The following SACS variants were observed in gnomAD, a reference collection of about 807,000 sequenced individuals.
SACS encodes the protein sacsin molecular chaperone.
A neutral mutation model predicts 348.0 loss-of-function variants in SACS; 197 were observed. The ratio of observed to expected loss-of-function variants is 0.57; its 90% CI spans 0.50 to 0.64. The LOEUF is 0.64. Among genes scored for constraint, SACS ranks in the 30% least tolerant of loss-of-function variants. The probability of loss-of-function intolerance (pLI) is 0.00; values close to 1 mark genes in which losing one functional copy is unlikely to be tolerated. For synonymous variants in SACS, 1,985 were observed against 1,910.6 expected (o/e 1.04, Z -1.02); for missense variants, 4,999 against 5,360.8 (o/e 0.93, Z 2.11).
In SACS at chr13:23,375,267, C is replaced by T. The variant is rs1871684539; in HGVS notation, c.23G>A (p.Trp8Ter). The change falls in exon 3 of 10, where the codon TGG becomes TAG. Residue 8 changes from tryptophan (W) to a stop codon, truncating the protein, a stop_gained and splice_region_variant. Transcript: ENST00000382292. LOFTEE classifies it high-confidence loss of function. Reference sequence around the variant, plus strand: ...GCCGGGGAGCACGGTCACCGGGACCCACCTGTGGAAAGCAGAGGGACGCTC... The same window carrying T: ...GCCGGGGAGCACGGTCACCGGGACCTACCTGTGGAAAGCAGAGGGACGCTC... METKENR[W>*]VPVTVLPGCV... 1 of 1,467,670 alleles carries T rather than the reference C, an allele frequency of 6.8e-7. No individual in the cohort carries two copies. Among genetic ancestry groups the T allele is most frequent in the Non-Finnish European group, 9.0e-7 (1 of 1,105,398 alleles). The allele number at this position is 1,467,670 out of a possible 1,614,324, so 90.9% of individuals were successfully genotyped here.
At chr13:23,357,041 G>A (rs1313019479) in intron 7 of SACS, among the ~76,000 whole-genome samples, 1 of 152,186 alleles carries the variant, frequency 6.6e-6, no homozygotes, top group Non-Finnish European at 1.5e-5. Context: ...ATAAAAGCAT[G>A]ACCTATGACC....
intron 2 of SACS, among the ~76,000 whole-genome samples, chr13:23,393,628 T>A (rs1042077458): frequency 6.6e-6 from 1 of 152,212 alleles, no homozygotes; most frequent in Non-Finnish European, 1.5e-5. Flanking sequence ...AAACCTATAT[T>A]TCTTCTTTGT....
chr13:23,330,033 GCTTAA>G lies in SACS; in HGVS notation c.*98_*102del. On this transcript the variant is annotated 3_prime_UTR_variant, in exon 10 of 10. Transcript: ENST00000382292. ...ATTCTCCAAGAACAATCTGCAATGT[GCTTAA>G]CAATTCCTAGCTAATTGGCAATGAA... 1 of 1,041,620 alleles carries G rather than the reference GCTTAA, an allele frequency of 9.6e-7. No individual in the cohort carries two copies. The highest frequency in any genetic ancestry group is 1.4e-5 in the South Asian group (1 of 72,860). 64.5% of individuals were successfully genotyped at this position (1,041,620 alleles called of 1,614,324 possible). A position where few individuals can be genotyped will look rare whatever the true frequency, so the allele number is the denominator to read the frequency against.
chr13:23,352,652 G>T (rs999703549), intron 9 of SACS, among the ~76,000 whole-genome samples: 2 of 151,774 alleles, frequency 1.3e-5, no homozygotes, highest in Non-Finnish European at 2.9e-5. Flanking sequence ...TAAAAAAAAA[G>T]GAGTTCCAAA....
At position 23,330,618 on chromosome 13, in the gene SACS, AT is replaced by A; in HGVS notation, c.13257del (p.Lys4419AsnfsTer33). ...TAAGTCTGTCCGGCTGAAGGGGGGC[AT>A]TTTTCTTTGTTCTGTTGCTGTCTTT... ...KSERQQQNKE[K>X]CPPSAGQTYS... On this transcript the variant is annotated frameshift_variant, in exon 10 of 10. Transcript: ENST00000382292. LOFTEE classifies it high-confidence loss of function. The A allele has an allele frequency of 6.2e-7, 1 of 1,613,680 alleles. No homozygotes were observed.
rs1440516820 is a variant in SACS at position 23,354,987 on chromosome 13, T to C, written c.1625A>G (p.Lys542Arg). 6.2e-7 allele frequency: 1 copy of C among 1,614,254 alleles called. No individual in the cohort carries two copies. Among genetic ancestry groups the C allele is most frequent in the Non-Finnish European group, 8.5e-7 (1 of 1,180,054 alleles). ...YKLWPEASKV[K>R]VHWQPVLEPL... ...CTCTAACACCGGTTGCCAGTGCACC[T>C]TGACTTTGCTCGCCTCCGGCCAAAG... Residue 542 changes from lysine (K) to arginine (R), a missense_variant, in exon 8 of 10, where the codon AAG becomes AGG. This residue lies in a region of SACS where 3,156 missense variants were observed against 3,380.1 expected (regional missense o/e 0.93). Transcript: ENST00000382292.
intron 2 of SACS, among the ~76,000 whole-genome samples, chr13:23,390,114 C>A (rs948599220): frequency 1.3e-5 from 2 of 152,022 alleles, no homozygotes; most frequent in Non-Finnish European, 2.9e-5. Context: ...ACCTATTTTA[C>A]TTGGTCTAGG....
intron 6 of SACS, among the ~76,000 whole-genome samples, chr13:23,364,729 C>T (rs1345142493): frequency 6.6e-6 from 1 of 151,988 alleles, no homozygotes; most frequent in African/African-American, 2.4e-5. Context: ...TTTCATTTTC[C>T]TTGTTCTCTC....
chr13:23,381,669 G>A (rs1872064241), intron 2 of SACS, among the ~76,000 whole-genome samples: 1 of 152,134 alleles, frequency 6.6e-6, no homozygotes, highest in Non-Finnish European at 1.5e-5. Flanking sequence ...CTGGTCAGAA[G>A]TAATTGAGAA....
intron 1 of SACS, among the ~76,000 whole-genome samples, chr13:23,424,324 G>A (rs1248809987): frequency 6.6e-6 from 1 of 152,158 alleles, no homozygotes; most frequent in Non-Finnish European, 1.5e-5. Context: ...TCGGGAGTTC[G>A]AGAGCAGCCT....
intron 1 of SACS, among the ~76,000 whole-genome samples, chr13:23,425,718 C>A (rs1036518911): frequency 6.6e-6 from 1 of 152,076 alleles, no homozygotes; most frequent in East Asian, 1.9e-4. Context: ...TAAGTTGCCC[C>A]GACTGCTCTG....
rs1566071299 is a variant in SACS, at chr13:23,340,880, A to AT, written c.2995dup (p.Ile999AsnfsTer2). 1.2e-6 allele frequency: 2 copies of AT among 1,610,652 alleles called. No homozygotes were observed. The highest frequency in any genetic ancestry group is 3.3e-5 in the Admixed American group (2 of 59,842). ...TTCATGTGAATAAAATGCATTTTCA[A>AT]TATCTTTTAAAACAAGCTTTAAGCA... On this transcript the variant is annotated frameshift_variant, in exon 10 of 10. Transcript: ENST00000382292. LOFTEE classifies it high-confidence loss of function.
At chr13:23,397,911 G>C (rs1034997352) in intron 2 of SACS, among the ~76,000 whole-genome samples, 1 of 152,176 alleles carries the variant, frequency 6.6e-6, no homozygotes, top group Non-Finnish European at 1.5e-5. Context: ...ATTTAAGAAG[G>C]CCAGGCGTGG....
chr13:23,335,180 T>C lies in SACS; in HGVS notation c.8696A>G (p.Asp2899Gly). The change falls in exon 10 of 10, where the codon GAT (aspartate) becomes GGT (glycine). Residue 2899 changes from aspartate to glycine, a missense_variant. Transcript: ENST00000382292. This position sits in a 1 kb window ranked among gnomAD's most constrained non-coding sequence, Gnocchi z 4.7. The part of the protein sequence containing the change: ...LDSARRNLWR[D>G]DNGVGVRSDW... Reference sequence around the variant, plus strand: ...ACTTCGAACACCAACTCCATTATCATCACGCCACAGGTTCCTTCTGGCTGA... The same window carrying C: ...ACTTCGAACACCAACTCCATTATCACCACGCCACAGGTTCCTTCTGGCTGA... The C allele has an allele frequency of 1.2e-6, 2 of 1,613,928 alleles. No homozygotes were observed. Among genetic ancestry groups the C allele is most frequent in the Non-Finnish European group, 1.7e-6 (2 of 1,179,888 alleles).
At chr13:23,380,849 A>G (rs373485142) in intron 2 of SACS, among the ~76,000 whole-genome samples, 1 of 152,226 alleles carries the variant, frequency 6.6e-6, no homozygotes, top group Non-Finnish European at 1.5e-5. Flanking sequence ...CCGAGGGGAC[A>G]TGCTATACTC....
rs1869046341 is a variant in SACS, at chr13:23,339,962, T to C, written c.3914A>G (p.His1305Arg). ...TTTTGCCATGGTTTTAGGTACATTATGCAAATAAGGCTGAAGGTCAAGATC... is the reference window on the plus strand; with the variant it reads ...TTTTGCCATGGTTTTAGGTACATTACGCAAATAAGGCTGAAGGTCAAGATC... ...IHDLDLQPYL[H>R]NVPKTMAKFH... Residue 1305 changes from histidine to arginine, a missense_variant, in exon 10 of 10, where the codon CAT becomes CGT. By Grantham distance (29) the His-to-Arg change is conservative. Coordinates refer to ENST00000382292, the MANE Select transcript of SACS (RefSeq NM_014363.6). 1 of 1,613,810 alleles carries C rather than the reference T, an allele frequency of 6.2e-7. No individual in the cohort carries two copies. Among genetic ancestry groups the C allele is most frequent in the Non-Finnish European group, 8.5e-7 (1 of 1,179,898 alleles).
rs368149368 is a variant in SACS, at chr13:23,340,859, T to C, written c.3017A>G (p.His1006Arg). ...TAACATAAGCTGTGTTACCTCTTCATGTGAATAAAATGCATTTTCAATATC... is the reference window on the plus strand; with the variant it reads ...TAACATAAGCTGTGTTACCTCTTCACGTGAATAAAATGCATTTTCAATATC... ...LKDIENAFYS[H>R]EEVTQLMLWV... Residue 1006 changes from histidine (H) to arginine (R), a missense_variant, in exon 10 of 10, where the codon CAT becomes CGT. By Grantham distance (29) the His-to-Arg change is conservative. Coordinates refer to ENST00000382292, the MANE Select transcript of SACS (RefSeq NM_014363.6). The C allele has an allele frequency of 3.6e-5, 58 of 1,608,152 alleles. No homozygotes were observed. The highest frequency in any genetic ancestry group is 4.7e-5 in the Non-Finnish European group (55 of 1,175,850).
At chr13:23,368,519 GA>G (rs1232331044) in intron 4 of SACS, 32 bp from the exon 5 acceptor site, 5 of 1,518,980 alleles carry the variant, frequency 3.3e-6, no homozygotes, top group Non-Finnish European at 2.7e-6. Flanking sequence ...AAGTGAGTTA[GA>G]AAAAAAATCC....
Position 23,331,987 on chromosome 13 carries a change from C to T in SACS, c.11889G>A (p.Met3963Ile), listed in dbSNP as rs1284609721. 1.2e-6 allele frequency: 2 copies of T among 1,614,050 alleles called. No individual in the cohort carries two copies. The highest frequency in any genetic ancestry group is 1.1e-5 in the South Asian group (1 of 91,078). Reference protein sequence around the residue: ...KDHGFHTKLIMLFPQKLRPRL... With the variant: ...KDHGFHTKLIILFPQKLRPRL... ...GAGGTCTAAGTTTTTGAGGAAAGAG[C>T]ATTATCAACTTAGTGTGAAATCCAT... Residue 3963 changes from methionine to isoleucine, a missense_variant, in exon 10 of 10, where the codon ATG becomes ATA. By Grantham distance (10) the Met-to-Ile change is conservative. This residue lies in a region of SACS where 831 missense variants were observed against 941.8 expected (regional missense o/e 0.88). Coordinates refer to ENST00000382292, the MANE Select transcript of SACS (RefSeq NM_014363.6).
Sources: gnomAD v4.1 joint callset for allele counts (sites outside exome capture counted in the v4.1 genomes callset) on GRCh38, gnomAD v4.1.1 for gene constraint, gnomAD v4.1.1 regional missense constraint, Gnocchi (gnomAD v3.1) non-coding constraint, MANE v1.5 for transcripts, NCBI Gene and HGNC (gene_info 2026-07-23, HGNC 2026-07-21) for gene names.